SPMIP2: variants seen among roughly 807,000 people sequenced by gnomAD.
The protein encoded by SPMIP2 is protein SPMIP2.
chr4:159,059,237 C>T, the SPMIP2 span, among the ~76,000 whole-genome samples: 1 of 152,178 alleles, frequency 6.6e-6, no homozygotes. Flanking sequence ...GGGTTGAAGT[C>T]TATTTTTGTC....
At chr4:159,000,497 T>C in the SPMIP2 span, among the ~76,000 whole-genome samples, 701 of 148,186 alleles carry the variant, frequency 4.7e-3, 5 homozygotes, top group African/African-American at 0.016. Context: ...TCTTCTTCTT[T>C]TTTTTTTTTT....
chr4:159,003,637 G>C, the SPMIP2 span, among the ~76,000 whole-genome samples: 1 of 152,134 alleles, frequency 6.6e-6, no homozygotes, highest in Non-Finnish European at 1.5e-5. Flanking sequence ...TTTTACACAG[G>C]AAGTGTCATG....
At chr4:158,954,461 G>A in the SPMIP2 span, among the ~76,000 whole-genome samples, 2 of 152,194 alleles carry the variant, frequency 1.3e-5, no homozygotes, top group Non-Finnish European at 2.9e-5. Flanking sequence ...TTTATCAGCA[G>A]TGTGAAAACG....
the SPMIP2 span, among the ~76,000 whole-genome samples, chr4:158,980,728 T>C: frequency 5.6e-3 from 857 of 152,078 alleles, 4 homozygotes; most frequent in Non-Finnish European, 7.7e-3. Flanking sequence ...AGAACAAAGG[T>C]AAATAAATCC....
At chr4:158,952,241 A>G in the SPMIP2 span, among the ~76,000 whole-genome samples, 2 of 152,204 alleles carry the variant, frequency 1.3e-5, no homozygotes, top group African/African-American at 4.8e-5. Context: ...GAGTAGAAAG[A>G]TGATATGGTT....
At chr4:158,992,271 C>G in the SPMIP2 span, among the ~76,000 whole-genome samples, 6 of 152,198 alleles carry the variant, frequency 3.9e-5, no homozygotes, top group Non-Finnish European at 7.3e-5. Flanking sequence ...CGGGAGGGAT[C>G]TCTGTAGTCA....
At chr4:158,904,539 T>C in the SPMIP2 span, 1 of 1,612,474 alleles carries the variant, frequency 6.2e-7, no homozygotes, top group Non-Finnish European at 8.5e-7. Flanking sequence ...TCAAATACTC[T>C]TATAAGCTAA....
the SPMIP2 span, among the ~76,000 whole-genome samples, chr4:158,962,615 C>T: frequency 6.6e-6 from 1 of 152,036 alleles, no homozygotes; most frequent in Admixed American, 6.6e-5. Flanking sequence ...ACTGTTAACC[C>T]CTTAGGTGTC....
At chr4:158,973,266 G>A in the SPMIP2 span, 1 of 1,613,758 alleles carries the variant, frequency 6.2e-7, no homozygotes, top group East Asian at 2.2e-5. Context: ...TACATAGGAG[G>A]TGTGCTGATG....
At chr4:159,050,593 A>C in the SPMIP2 span, among the ~76,000 whole-genome samples, 2 of 152,084 alleles carry the variant, frequency 1.3e-5, no homozygotes, top group East Asian at 1.9e-4. Context: ...GCTTGAACCC[A>C]GGAGTTCGAG....
the SPMIP2 span, among the ~76,000 whole-genome samples, chr4:159,029,293 T>C: frequency 6.6e-6 from 1 of 152,178 alleles, no homozygotes; most frequent in South Asian, 2.1e-4. Context: ...CATCTGATTG[T>C]GGGAGGATTG....
At chr4:158,962,247 T>C in the SPMIP2 span, among the ~76,000 whole-genome samples, 1 of 152,214 alleles carries the variant, frequency 6.6e-6, no homozygotes, top group Non-Finnish European at 1.5e-5. Context: ...CTTTCACTTT[T>C]AATCTCTAGT....
At chr4:159,017,112 T>C in the SPMIP2 span, among the ~76,000 whole-genome samples, 432 of 152,208 alleles carry the variant, frequency 2.8e-3, 2 homozygotes, top group African/African-American at 8.9e-3. Flanking sequence ...AGAGAAATGT[T>C]AGATGGGAAA....
At chr4:159,063,905 T>C in the SPMIP2 span, among the ~76,000 whole-genome samples, 1 of 152,218 alleles carries the variant, frequency 6.6e-6, no homozygotes, top group Admixed American at 6.5e-5. Flanking sequence ...AAGGATCATG[T>C]GGAGCCAGAA....
At chr4:158,942,202 C>T in the SPMIP2 span, among the ~76,000 whole-genome samples, 2 of 152,198 alleles carry the variant, frequency 1.3e-5, no homozygotes, top group Admixed American at 6.5e-5. Context: ...GGTAATTGTG[C>T]TCCAAGGTAA....
chr4:159,080,191 T>G, the SPMIP2 span, among the ~76,000 whole-genome samples: 1 of 147,248 alleles, frequency 6.8e-6, no homozygotes, highest in Non-Finnish European at 1.5e-5. Flanking sequence ...TTCTGATACA[T>G]GCACAACAAA....
the SPMIP2 span, among the ~76,000 whole-genome samples, chr4:158,902,837 A>C: frequency 3.3e-5 from 5 of 152,210 alleles, no homozygotes; most frequent in East Asian, 9.7e-4. Context: ...CCCCTCCCCC[A>C]ACCAACCTCA....
chr4:158,900,658 C>T, the SPMIP2 span, among the ~76,000 whole-genome samples: 5 of 152,100 alleles, frequency 3.3e-5, no homozygotes, highest in South Asian at 6.2e-4. Flanking sequence ...GACTACAACC[C>T]CTACTTTTTT....
chr4:158,918,440 A>T, the SPMIP2 span, among the ~76,000 whole-genome samples: 30 of 152,380 alleles, frequency 2.0e-4, no homozygotes, highest in African/African-American at 7.0e-4. Context: ...TAAGCAACAG[A>T]TAGTGCTTAT....
Sources: allele counts gnomAD v4.1 joint callset (sites outside exome capture counted in the v4.1 genomes callset), GRCh38; gene constraint gnomAD v4.1.1; transcripts MANE v1.5; gene names NCBI Gene and HGNC (gene_info 2026-07-23, HGNC 2026-07-21).